Variants in TBX20 observed in about 807,000 individuals in gnomAD.
TBX20 encodes T-box transcription factor 20, also known as T-box transcription factor TBX20.
Under a neutral mutation model 42.9 loss-of-function variants are expected in TBX20, and 8 were observed. The ratio of observed to expected loss-of-function variants is 0.19; its 90% confidence interval spans 0.11 to 0.34. The LOEUF is 0.34. Ranked by LOEUF, TBX20 falls within the 10% of genes least tolerant of loss-of-function variation. The probability of loss-of-function intolerance (pLI) is 1.00; values close to 1 mark genes in which losing one functional copy is unlikely to be tolerated. For synonymous variants in TBX20, 198 were observed against 222.8 expected (o/e 0.89, Z 0.99); for missense variants, 411 against 566.0 (o/e 0.73, Z 2.78).
chr7:35,217,628 G>T (rs1445741350), intron 6 of TBX20, among the ~76,000 whole-genome samples: 4 of 151,950 alleles, frequency 2.6e-5, no homozygotes, highest in African/African-American at 9.7e-5. Flanking sequence ...TCTATAATTT[G>T]AAAAAAATTA....
At chr7:35,247,165 CAA>C (rs757916672) in intron 3 of TBX20, among the ~76,000 whole-genome samples, 38 of 79,616 alleles carry the variant, frequency 4.8e-4, no homozygotes, top group Non-Finnish European at 6.2e-4. Flanking sequence ...GACTGGAGGG[CAA>C]AAAAAAAAAA....
At position 35,253,551 on chromosome 7, in the gene TBX20, T is replaced by C. The variant is rs750946315; in HGVS notation, c.70A>G (p.Met24Val). ...TTCTCCTTAGAGCCGCCGCTCGACA[T>C]GAGCGCGGCAATGGAGAAGGCGTTG... ...RANAFSIAAL[M>V]SSGGSKEKEA... is the part of the protein sequence containing the mutation. Residue 24 changes from methionine (M) to valine (V), a missense_variant, in exon 1 of 8, where the codon ATG (methionine) becomes GTG (valine). By Grantham distance (21) the Met-to-Val change is conservative. Coordinates refer to ENST00000408931, the MANE Select transcript of TBX20 (RefSeq NM_001077653.2). The C allele has an allele frequency of 1.2e-6, 2 of 1,612,470 alleles. No individual in the cohort carries two copies. The highest frequency in any genetic ancestry group is 8.5e-7 in the Non-Finnish European group (1 of 1,179,618).
chr7:35,236,316 C>T (rs2128714069), intron 5 of TBX20, among the ~76,000 whole-genome samples: 1 of 151,244 alleles, frequency 6.6e-6, no homozygotes, highest in African/African-American at 2.4e-5. Context: ...TCTTCTCCCT[C>T]TTTGTTCTTT....
At chr7:35,224,225 G>T (rs1410745981) in intron 6 of TBX20, among the ~76,000 whole-genome samples, 2 of 152,194 alleles carry the variant, frequency 1.3e-5, no homozygotes, top group South Asian at 4.1e-4. Flanking sequence ...GGAAGGAAAA[G>T]ATTTCAATTA....
intron 1 of TBX20, 25 bp downstream of exon 1, chr7:35,253,469 C>T: frequency 6.2e-7 from 1 of 1,602,228 alleles, no homozygotes; most frequent in East Asian, 2.3e-5. Context: ...CAGTCCTCGG[C>T]GGACAGCCGG....
rs562931360 is a variant in TBX20 at position 35,214,641 on chromosome 7, C to A, written c.891-10059G>T. Among the ~76,000 whole-genome samples, 11 of 152,232 alleles carry A rather than the reference C, an allele frequency of 7.2e-5. No homozygotes were observed. In the South Asian group the frequency reaches 2.3e-3, roughly 32 times the overall value. On this transcript the variant is annotated intron_variant, in intron 6 of 7. Coordinates refer to ENST00000408931, the MANE Select transcript of TBX20 (RefSeq NM_001077653.2). ...ACAGCTGATGTTATTTACTCAAAGG[C>A]TTAATTTACTACAATATTAGAGAGT...
intron 6 of TBX20, among the ~76,000 whole-genome samples, chr7:35,223,752 G>C (rs983103716): frequency 6.6e-6 from 1 of 152,138 alleles, no homozygotes; most frequent in African/African-American, 2.4e-5. Context: ...CAGAGGCAGA[G>C]TAGAAGACAG....
At chr7:35,209,248 A>G (rs1175831083) in intron 6 of TBX20, among the ~76,000 whole-genome samples, 2 of 152,176 alleles carry the variant, frequency 1.3e-5, no homozygotes, top group African/African-American at 2.4e-5. Context: ...AGAAGATTTC[A>G]GGTAGAATTG....
Position 35,231,616 on chromosome 7 carries a change from T to C in TBX20, c.814-36A>G, listed in dbSNP as rs1430805281. 4 of 1,377,686 alleles carry C rather than the reference T, an allele frequency of 2.9e-6. No individual in the cohort carries two copies. The African/African-American group carries it at 4.3e-5, about 15-fold the overall frequency. 85.3% of individuals were successfully genotyped at this position (1,377,686 alleles called of 1,614,324 possible). ...AATGGGTACAAAACAGTATCATTTA[T>C]GAGGTCAAGGAAGTAAAATCAGAAA... On this transcript the variant is annotated intron_variant, in intron 5 of 7. Coordinates refer to ENST00000408931, the MANE Select transcript of TBX20 (RefSeq NM_001077653.2).
At chr7:35,251,183 T>G (rs1357542075) in intron 1 of TBX20, among the ~76,000 whole-genome samples, 1 of 152,208 alleles carries the variant, frequency 6.6e-6, no homozygotes, top group Admixed American at 6.5e-5. Flanking sequence ...CCAATTATCT[T>G]CCATCCCTTA....
At chr7:35,214,639 G>A (rs1789551072) in intron 6 of TBX20, among the ~76,000 whole-genome samples, 1 of 152,056 alleles carries the variant, frequency 6.6e-6, no homozygotes, top group African/African-American at 2.4e-5. Flanking sequence ...TTTACTCAAA[G>A]GCTTAATTTA....
At chr7:35,218,657 T>C (rs913509920) in intron 6 of TBX20, among the ~76,000 whole-genome samples, 10 of 152,246 alleles carry the variant, frequency 6.6e-5, no homozygotes, top group African/African-American at 2.4e-4. Flanking sequence ...AGGATTATAA[T>C]ATTATAATAT....
intron 6 of TBX20, among the ~76,000 whole-genome samples, chr7:35,230,750 A>G (rs1189172177): frequency 6.6e-6 from 1 of 152,182 alleles, no homozygotes; most frequent in Non-Finnish European, 1.5e-5. Flanking sequence ...GTGGCTAGGG[A>G]ACTTCCCTGG....
chr7:35,206,496 G>A (rs565108391), intron 6 of TBX20, among the ~76,000 whole-genome samples: 16 of 152,274 alleles, frequency 1.1e-4, no homozygotes, highest in African/African-American at 2.9e-4. Flanking sequence ...GCAGTGAGCC[G>A]AGATCGTGCC....
At chr7:35,250,447 A>G (rs768470406) in intron 1 of TBX20, among the ~76,000 whole-genome samples, 19 of 152,200 alleles carry the variant, frequency 1.2e-4, no homozygotes, top group Non-Finnish European at 2.6e-4. Context: ...TTTCACCACC[A>G]GTACTGCAGC....
intron 3 of TBX20, among the ~76,000 whole-genome samples, chr7:35,247,775 A>T (rs186212021): frequency 2.0e-3 from 308 of 152,336 alleles, no homozygotes; most frequent in Non-Finnish European, 3.6e-3. Flanking sequence ...TAAACAACAA[A>T]AATTAGTCAT....
chr7:35,242,567 C>G (rs1213237752), intron 4 of TBX20, among the ~76,000 whole-genome samples: 2 of 152,074 alleles, frequency 1.3e-5, no homozygotes, highest in African/African-American at 2.4e-5. Flanking sequence ...TCAAATCACA[C>G]CCACCCACCC....
rs749526084 is a variant in TBX20, at chr7:35,253,480, G to A, written c.127+14C>T. The A allele has an allele frequency of 1.2e-6, 2 of 1,606,974 alleles. No individual in the cohort carries two copies. Among genetic ancestry groups the A allele is most frequent in the Non-Finnish European group, 1.7e-6 (2 of 1,177,190 alleles). On this transcript the variant is annotated intron_variant, in intron 1 of 7. Coordinates refer to ENST00000408931, the MANE Select transcript of TBX20 (RefSeq NM_001077653.2). ...TCCCCAGTCCTCGGCGGACAGCCGGGTAGCCCAACTTACCCAGGGGTTTGA... is the reference window on the plus strand; with the variant it reads ...TCCCCAGTCCTCGGCGGACAGCCGGATAGCCCAACTTACCCAGGGGTTTGA...
chr7:35,250,478 G>C (rs1191077633), intron 1 of TBX20, among the ~76,000 whole-genome samples: 2 of 152,200 alleles, frequency 1.3e-5, no homozygotes, highest in East Asian at 3.9e-4. Context: ...AAATAAAAAT[G>C]TAAGAGTGGA....
Sources: gnomAD v4.1 joint callset for allele counts (sites outside exome capture counted in the v4.1 genomes callset) on GRCh38, gnomAD v4.1.1 for gene constraint, MANE v1.5 for transcripts, NCBI Gene and HGNC (gene_info 2026-07-23, HGNC 2026-07-21) for gene names.